Variants in SHOC1 observed in about 807,000 individuals in gnomAD.
SHOC1 encodes shortage in chiasmata 1.
In SHOC1, 136 loss-of-function variants were observed where a neutral mutation model predicts 179.2. The ratio of observed to expected loss-of-function variants is 0.76; its 90% confidence interval spans 0.66 to 0.87. SHOC1 has a LOEUF of 0.87. SHOC1 is among the 40% of genes least tolerant of loss of function. The pLI is 0.00. For missense variants in SHOC1, 1,538 were observed against 1,700.8 expected (o/e 0.90, Z 1.68); for synonymous variants, 489 against 586.6 (o/e 0.83, Z 2.41).
At chr9:111,771,947 T>C (rs569300136) in intron 5 of SHOC1, among the ~76,000 whole-genome samples, 1 of 152,294 alleles carries the variant, frequency 6.6e-6, no homozygotes, top group Non-Finnish European at 1.5e-5. Flanking sequence ...ACTGGAGATT[T>C]ATATCTTTCT....
At chr9:111,727,498 A>G (rs1484239743) in intron 13 of SHOC1, 135 bp downstream of exon 13, 2 of 722,680 alleles carry the variant, frequency 2.8e-6, no homozygotes, top group African/African-American at 1.8e-5. Flanking sequence ...TCAAGAATCA[A>G]TGACATTTTC....
intron 7 of SHOC1, 83 bp downstream of exon 7, chr9:111,758,001 G>A: frequency 1.5e-6 from 1 of 651,630 alleles, no homozygotes; most frequent in Non-Finnish European, 2.6e-6. Context: ...TTTGACAATT[G>A]TAGACAATGT....
intron 7 of SHOC1, 91 bp downstream of exon 7, chr9:111,757,993 T>G (rs1428202221): frequency 1.6e-6 from 1 of 622,446 alleles, no homozygotes; most frequent in Non-Finnish European, 2.7e-6. Flanking sequence ...CTTTTTAATT[T>G]GACAATTGTA....
intron 5 of SHOC1, among the ~76,000 whole-genome samples, chr9:111,767,515 G>A (rs1437759609): frequency 6.6e-6 from 1 of 151,978 alleles, no homozygotes; most frequent in Non-Finnish European, 1.5e-5. Context: ...GATTTATAGT[G>A]GGGTTCTCTA....
intron 20 of SHOC1, among the ~76,000 whole-genome samples, chr9:111,706,221 A>G (rs568626162): frequency 6.6e-6 from 1 of 152,158 alleles, no homozygotes; most frequent in Admixed American, 6.5e-5. Flanking sequence ...ATCAGTTAGC[A>G]TACTATTACA....
Position 111,762,523 on chromosome 9 carries a change from TATC to T in SHOC1, c.443-3678_443-3676del, listed in dbSNP as rs780253362. On this transcript the variant is annotated intron_variant, in intron 5 of 27. Transcript: ENST00000682961. Reference sequence around the variant, plus strand: ...AGATCATGTTAATATTTAAAAATAATATCATGTATATATAGTATGATCACAATA... The same window carrying T: ...AGATCATGTTAATATTTAAAAATAATATGTATATATAGTATGATCACAATA... Among the ~76,000 whole-genome samples the T allele has an allele frequency of 2.2e-4, 34 of 152,076 alleles. 1 individual carries two copies. The highest frequency in any genetic ancestry group is 1.5e-4 in the Non-Finnish European group (10 of 68,004).
At chr9:111,711,017 G>A (rs776041382) in intron 18 of SHOC1, among the ~76,000 whole-genome samples, 37 of 152,266 alleles carry the variant, frequency 2.4e-4, no homozygotes, top group Non-Finnish European at 4.4e-4. Context: ...AAACATTAAG[G>A]AAAAGAGTAA....
intron 2 of SHOC1, among the ~76,000 whole-genome samples, chr9:111,788,946 CA>C (rs200960613): frequency 0.014 from 2,151 of 152,232 alleles, 47 homozygotes; most frequent in African/African-American, 0.048. Context: ...GTTCAGTGGT[CA>C]CTCGCTGGTT....
At chr9:111,722,743 T>C (rs1032157878) in intron 14 of SHOC1, among the ~76,000 whole-genome samples, 158 bp from the exon 15 acceptor site, 1 of 152,182 alleles carries the variant, frequency 6.6e-6, no homozygotes, top group Non-Finnish European at 1.5e-5. Context: ...TTTTAAGATA[T>C]TTATTCTAAA....
intron 5 of SHOC1, among the ~76,000 whole-genome samples, chr9:111,766,175 A>G (rs1835351669): frequency 6.6e-6 from 1 of 152,022 alleles, no homozygotes. Flanking sequence ...TGCTTGGCTT[A>G]TTTCACTTAA....
At chr9:111,689,329 C>CAAT (rs564391953) in intron 27 of SHOC1, among the ~76,000 whole-genome samples, 8,224 of 128,830 alleles carry the variant, frequency 0.064, 283 homozygotes, top group East Asian at 0.2. Context: ...AAGACTCTGT[C>CAAT]AATAATAATA....
At chr9:111,788,064 C>CTTTTTTTT (rs35764341) in intron 2 of SHOC1, among the ~76,000 whole-genome samples, 2 of 122,738 alleles carry the variant, frequency 1.6e-5, no homozygotes, top group Non-Finnish European at 3.3e-5. Flanking sequence ...ATAAACATAA[C>CTTTTTTTT]TTTTTTTTTT....
rs201992641 is a variant in SHOC1 at position 111,727,954 on chromosome 9, G to A, written c.1513C>T (p.Leu505=). The change falls in exon 13 of 28, where the codon CTG becomes TTG. Residue 505 remains leucine (L), a synonymous_variant. Transcript: ENST00000682961. ...CATAGATCTGGTACTTCTTTTGCCA[G>A]AGATGGACTCTTTTGTGGAAGTGAT... The part of the protein sequence containing the change: ...HLSLPQKSPS[L]AKEVPDLCFS... 2.1e-5 allele frequency: 34 copies of A among 1,613,124 alleles called. 1 individual carries two copies. In the Middle Eastern group the frequency reaches 1.2e-3, roughly 55 times the overall value.
intron 16 of SHOC1, among the ~76,000 whole-genome samples, chr9:111,716,439 G>A (rs539201700): frequency 5.6e-4 from 75 of 133,398 alleles, no homozygotes; most frequent in African/African-American, 2.2e-3. Flanking sequence ...TGCCCAGGCT[G>A]GAGTGCAATG....
At chr9:111,784,675 A>G (rs1836196624) in intron 3 of SHOC1, among the ~76,000 whole-genome samples, 1 of 152,152 alleles carries the variant, frequency 6.6e-6, no homozygotes, top group Non-Finnish European at 1.5e-5. Context: ...CAAAAATATC[A>G]TAGACTCGGT....
At chr9:111,773,589 G>A (rs1288490131) in intron 5 of SHOC1, among the ~76,000 whole-genome samples, 1 of 152,168 alleles carries the variant, frequency 6.6e-6, no homozygotes, top group Non-Finnish European at 1.5e-5. Flanking sequence ...TGGAATTACA[G>A]GCATGAGCTA....
chr9:111,723,238 A>G (rs1833149628), intron 14 of SHOC1, among the ~76,000 whole-genome samples: 1 of 152,224 alleles, frequency 6.6e-6, no homozygotes, highest in African/African-American at 2.4e-5. Flanking sequence ...TATCACTAGA[A>G]TAACATTATT....
In SHOC1 at chr9:111,692,013, G is replaced by A. The variant is rs769522401; in HGVS notation, c.3964C>T (p.Arg1322Cys). 29 of 1,612,888 alleles carry A rather than the reference G, an allele frequency of 1.8e-5. No homozygotes were observed. Among genetic ancestry groups the A allele is most frequent in the African/African-American group, 5.3e-5 (4 of 74,774 alleles). The change falls in exon 27 of 28, where the codon CGT becomes TGT. Residue 1322 changes from arginine to cysteine, a missense_variant. Coordinates refer to ENST00000682961, the MANE Select transcript of SHOC1 (RefSeq NM_001378211.1). ...DTQKRVSVVP[R>C]FINSQKRRTH... is the part of the protein sequence containing the mutation. ...CTCCTTTTCTGAGAATTTATAAAAC[G>A]GGGGACAACTGACACTCTCTTCTGA...
At chr9:111,773,268 T>C (rs887913635) in intron 5 of SHOC1, among the ~76,000 whole-genome samples, 1 of 152,212 alleles carries the variant, frequency 6.6e-6, no homozygotes, top group Non-Finnish European at 1.5e-5. Flanking sequence ...ACTATTTGAC[T>C]CTCTAAACTA....
Sources: gnomAD v4.1 joint callset for allele counts (sites outside exome capture counted in the v4.1 genomes callset) on GRCh38, gnomAD v4.1.1 for gene constraint, MANE v1.5 for transcripts, NCBI Gene and HGNC (gene_info 2026-07-23, HGNC 2026-07-21) for gene names.